Variants in MYT1L observed in about 807,000 individuals in gnomAD.
The protein encoded by MYT1L is myelin transcription factor 1-like protein.
A neutral mutation model predicts 126.7 loss-of-function variants in MYT1L; 12 were observed. The observed-to-expected ratio is 0.09, with a 90% CI of 0.06 to 0.15. The LOEUF (loss-of-function observed/expected upper bound fraction) is 0.15. Ranked by LOEUF, MYT1L falls within the 10% of genes least tolerant of loss-of-function variation. MYT1L has a pLI of 1.00. For missense variants in MYT1L, 979 were observed against 1,585.2 expected, an observed-to-expected ratio of 0.62 and a Z score of 6.49; for synonymous variants, 541 against 604.2, an observed-to-expected ratio of 0.90 and a Z score of 1.53.
intron 18 of MYT1L, among the ~76,000 whole-genome samples, chr2:1,863,698 C>T (rs901073821): frequency 3.7e-5 from 5 of 135,336 alleles, no homozygotes; most frequent in Non-Finnish European, 6.5e-5. Context: ...ACAGTGGTGG[C>T]GACAGTGGAA....
intron 3 of MYT1L, among the ~76,000 whole-genome samples, chr2:2,128,488 A>G (rs2081986184): frequency 6.6e-6 from 1 of 152,150 alleles, no homozygotes; most frequent in Admixed American, 6.6e-5. Flanking sequence ...AGTATTATCT[A>G]CAGTGCCTAA....
intron 1 of MYT1L, among the ~76,000 whole-genome samples, chr2:2,320,838 C>T (rs906147949): frequency 3.9e-5 from 6 of 152,186 alleles, no homozygotes; most frequent in Non-Finnish European, 7.3e-5. Context: ...GCCATTAGCA[C>T]ATACAGCAGA....
At chr2:2,181,179 T>C (rs537514105) in intron 2 of MYT1L, among the ~76,000 whole-genome samples, 117 of 152,090 alleles carry the variant, frequency 7.7e-4, no homozygotes, top group African/African-American at 2.7e-3. Flanking sequence ...CACATGTATC[T>C]GTACCTATGA....
intron 1 of MYT1L, among the ~76,000 whole-genome samples, chr2:2,315,217 G>C (rs1209349670): frequency 2.6e-5 from 4 of 152,064 alleles, no homozygotes; most frequent in African/African-American, 9.7e-5. Context: ...TCCTCAGCTG[G>C]ATTTTCAGTT....
chr2:2,260,819 A>T (rs899781656), intron 2 of MYT1L, among the ~76,000 whole-genome samples: 2 of 152,090 alleles, frequency 1.3e-5, no homozygotes, highest in Non-Finnish European at 2.9e-5. Flanking sequence ...AGAATCGGAC[A>T]CTCAGCTGGC....
rs139838012 is a variant in MYT1L at position 2,023,444 on chromosome 2, G to T, written c.-157-26097C>A. Among the ~76,000 whole-genome samples, 1,013 of 152,042 alleles carry T rather than the reference G, an allele frequency of 6.7e-3. 9 individuals are homozygous for T. Among genetic ancestry groups the T allele is most frequent in the African/African-American group, 0.023 (962 of 41,450 alleles). On this transcript the variant is annotated intron_variant, in intron 4 of 24. Coordinates refer to ENST00000647738, the MANE Select transcript of MYT1L (RefSeq NM_001303052.2). The stretch of plus-strand genomic sequence containing the variant: ...ACTCGGCTGAGCTCCGCCCAAAATT[G>T]TGTGGGCAATCTCTCTCTCTCCACT...
chr2:1,966,025 C>A (rs1260062855), intron 8 of MYT1L, among the ~76,000 whole-genome samples: 3 of 152,244 alleles, frequency 2.0e-5, no homozygotes, highest in African/African-American at 7.2e-5. Flanking sequence ...TGGGGTCTGG[C>A]CACCTAGCTC....
chr2:2,041,020 C>A (rs535493170), intron 4 of MYT1L, among the ~76,000 whole-genome samples: 6 of 152,118 alleles, frequency 3.9e-5, no homozygotes, highest in South Asian at 2.1e-4. Context: ...TATTACACTG[C>A]CTTTTCTGGA....
intron 18 of MYT1L, among the ~76,000 whole-genome samples, chr2:1,868,995 C>A (rs34862414): frequency 6.6e-6 from 1 of 152,218 alleles, no homozygotes; most frequent in Non-Finnish European, 1.5e-5. Flanking sequence ...GCCCAGGAAC[C>A]TTTGGAACAC....
At chr2:2,211,683 T>C (rs1431607006) in intron 2 of MYT1L, among the ~76,000 whole-genome samples, 1 of 151,616 alleles carries the variant, frequency 6.6e-6, no homozygotes, top group Non-Finnish European at 1.5e-5. Flanking sequence ...CGGGCGCCTC[T>C]AGTCCCAGCT....
intron 2 of MYT1L, among the ~76,000 whole-genome samples, chr2:2,257,310 G>T (rs2094841937): frequency 6.6e-6 from 1 of 152,182 alleles, no homozygotes; most frequent in Non-Finnish European, 1.5e-5. Flanking sequence ...TATTGGAAAT[G>T]ACTGACGGTT....
chr2:2,303,472 A>T (rs961750921), intron 1 of MYT1L: 2 of 152,388 alleles, frequency 1.3e-5, no homozygotes, highest in Non-Finnish European at 2.9e-5. Flanking sequence ...TAGTCAAAAC[A>T]TCTTAAAATC....
intron 2 of MYT1L, among the ~76,000 whole-genome samples, chr2:2,221,016 C>A (rs896021727): frequency 6.6e-6 from 1 of 152,124 alleles, no homozygotes; most frequent in African/African-American, 2.4e-5. Flanking sequence ...GGATAAAACT[C>A]CTATTAGCAG....
intron 1 of MYT1L, among the ~76,000 whole-genome samples, chr2:2,315,969 T>C (rs1186263685): frequency 6.6e-6 from 1 of 152,218 alleles, no homozygotes; most frequent in Non-Finnish European, 1.5e-5. Context: ...TCCCAATACT[T>C]AGAGAAAAGT....
chr2:2,037,788 C>CA (rs970662599), intron 4 of MYT1L, among the ~76,000 whole-genome samples: 2 of 144,296 alleles, frequency 1.4e-5, no homozygotes, highest in Non-Finnish European at 3.0e-5. Context: ...AAAACCCCCC[C>CA]AAAAAAACAA....
chr2:2,073,938 G>A (rs1271521827), intron 3 of MYT1L, among the ~76,000 whole-genome samples: 1 of 152,078 alleles, frequency 6.6e-6, no homozygotes, highest in Non-Finnish European at 1.5e-5. Context: ...CTGGCTTACT[G>A]TACACCTGCC....
intron 8 of MYT1L, among the ~76,000 whole-genome samples, chr2:1,961,543 T>A (rs1181387761): frequency 6.6e-6 from 1 of 152,246 alleles, no homozygotes; most frequent in Non-Finnish European, 1.5e-5. Context: ...AAGACGCGTG[T>A]GCTGGGCCTC....
At chr2:2,135,849 G>A (rs1260262494) in intron 3 of MYT1L, among the ~76,000 whole-genome samples, 4 of 152,216 alleles carry the variant, frequency 2.6e-5, no homozygotes, top group African/African-American at 9.6e-5. Flanking sequence ...ACCTGGGCCT[G>A]CCGGGCTTGG....
intron 1 of MYT1L, chr2:2,325,184 T>A (rs2096229787): frequency 6.6e-6 from 1 of 152,208 alleles, no homozygotes; most frequent in Non-Finnish European, 1.5e-5. Context: ...ACCTACAGTA[T>A]TTTAGATGGC....
Sources: allele counts gnomAD v4.1 joint callset (sites outside exome capture counted in the v4.1 genomes callset), GRCh38; gene constraint gnomAD v4.1.1; transcripts MANE v1.5; gene names NCBI Gene and HGNC (gene_info 2026-07-23, HGNC 2026-07-21).